GABRB2: variants seen among roughly 807,000 people sequenced by gnomAD.
The protein encoded by GABRB2 is gamma-aminobutyric acid receptor subunit beta-2.
Under a neutral mutation model 54.7 loss-of-function variants are expected in GABRB2, and 16 were observed. The observed-to-expected ratio is 0.29, with a 90% CI of 0.20 to 0.44. The LOEUF is 0.44. GABRB2 is among the 20% of genes least tolerant of loss of function. The probability of loss-of-function intolerance (pLI) is 1.00; values close to 1 mark genes in which losing one functional copy is unlikely to be tolerated. For synonymous variants in GABRB2, 244 were observed against 233.8 expected (o/e 1.04, Z -0.40); for missense variants, 355 against 644.0 (o/e 0.55, Z 4.86).
At chr5:161,333,394 G>T (rs924386051) in intron 7 of GABRB2, among the ~76,000 whole-genome samples, 4 of 152,144 alleles carry the variant, frequency 2.6e-5, no homozygotes, top group Non-Finnish European at 5.9e-5. Context: ...CTACACACAG[G>T]GGAGGTCTAT....
At chr5:161,509,139 G>A (rs1020360273) in intron 3 of GABRB2, among the ~76,000 whole-genome samples, 7 of 151,728 alleles carry the variant, frequency 4.6e-5, no homozygotes, top group Admixed American at 6.6e-5. Flanking sequence ...CATAAAACAC[G>A]GCATGGAAAA....
chr5:161,523,725 A>C (rs1412151349), intron 3 of GABRB2, among the ~76,000 whole-genome samples: 1 of 151,594 alleles, frequency 6.6e-6, no homozygotes, highest in Non-Finnish European at 1.5e-5. Context: ...ACCAACAAAT[A>C]AGAACTACAC....
chr5:161,422,464 A>G (rs1051494249), intron 4 of GABRB2, among the ~76,000 whole-genome samples: 2 of 152,174 alleles, frequency 1.3e-5, no homozygotes, highest in Non-Finnish European at 2.9e-5. Flanking sequence ...AGTTTTATTA[A>G]TAAGTGAAAG....
chr5:161,351,456 T>G (rs766925858), intron 5 of GABRB2, among the ~76,000 whole-genome samples: 14 of 152,016 alleles, frequency 9.2e-5, no homozygotes, highest in Non-Finnish European at 1.6e-4. Flanking sequence ...GGAAGGACAA[T>G]CTCTTCAATA....
At chr5:161,342,219 A>G (rs1754190536) in intron 5 of GABRB2, among the ~76,000 whole-genome samples, 1 of 151,788 alleles carries the variant, frequency 6.6e-6, no homozygotes, top group African/African-American at 2.4e-5. Context: ...TCTTTTAAGA[A>G]CCATCTCAAA....
chr5:161,456,036 C>T (rs1380530855), intron 4 of GABRB2, among the ~76,000 whole-genome samples: 1 of 152,154 alleles, frequency 6.6e-6, no homozygotes, highest in African/African-American at 2.4e-5. Flanking sequence ...CTTTAACCTA[C>T]CCCACCAATC....
At chr5:161,500,814 A>C (rs983362279) in intron 3 of GABRB2, among the ~76,000 whole-genome samples, 1 of 152,126 alleles carries the variant, frequency 6.6e-6, no homozygotes, top group South Asian at 2.1e-4. Flanking sequence ...TGTTAACTTA[A>C]TCAAATGTTT....
At chr5:161,507,081 C>G (rs1198354983) in intron 3 of GABRB2, among the ~76,000 whole-genome samples, 1 of 151,720 alleles carries the variant, frequency 6.6e-6, no homozygotes, top group African/African-American at 2.4e-5. Flanking sequence ...ATCAAAATGC[C>G]CAAATTAAAG....
chr5:161,394,277 G>A (rs984564538), intron 5 of GABRB2, among the ~76,000 whole-genome samples: 2 of 151,738 alleles, frequency 1.3e-5, no homozygotes, highest in East Asian at 1.9e-4. Flanking sequence ...ATTTCAAATC[G>A]GTGGCTCAAA....
intron 3 of GABRB2, among the ~76,000 whole-genome samples, chr5:161,522,088 T>C (rs772757595): frequency 3.3e-5 from 5 of 151,824 alleles, no homozygotes; most frequent in Non-Finnish European, 3.0e-5. Context: ...TGCAATCCTA[T>C]GCTATTTTCA....
At chr5:161,300,802 GTC>G (rs1226469923) in intron 9 of GABRB2, among the ~76,000 whole-genome samples, 3 of 152,182 alleles carry the variant, frequency 2.0e-5, no homozygotes, top group Non-Finnish European at 4.4e-5. Flanking sequence ...AAAACTGCTA[GTC>G]TATTGGACAG....
At chr5:161,300,532 T>C (rs1392537290) in intron 9 of GABRB2, among the ~76,000 whole-genome samples, 1 of 152,166 alleles carries the variant, frequency 6.6e-6, no homozygotes, top group South Asian at 2.1e-4. Context: ...CTTAATCCAG[T>C]AATATTCCAT....
At chr5:161,497,403 G>A (rs1453508556) in intron 3 of GABRB2, among the ~76,000 whole-genome samples, 1 of 152,064 alleles carries the variant, frequency 6.6e-6, no homozygotes, top group Non-Finnish European at 1.5e-5. Context: ...CATGAGGATT[G>A]CTAAAGTGTT....
chr5:161,405,042 GC>G (rs779066543), intron 5 of GABRB2, among the ~76,000 whole-genome samples: 24 of 152,124 alleles, frequency 1.6e-4, no homozygotes, highest in Non-Finnish European at 3.2e-4. Context: ...GCCAAAAATT[GC>G]CTTTTGGCAT....
chr5:161,420,206 C>A (rs954082249), intron 4 of GABRB2, among the ~76,000 whole-genome samples: 12 of 152,096 alleles, frequency 7.9e-5, no homozygotes, highest in African/African-American at 2.7e-4. Flanking sequence ...AGTTTTATCC[C>A]AGTCTTTTAA....
intron 5 of GABRB2, among the ~76,000 whole-genome samples, chr5:161,400,374 G>A (rs944383578): frequency 7.2e-5 from 11 of 152,148 alleles, no homozygotes; most frequent in Non-Finnish European, 1.6e-4. Flanking sequence ...CAGGATGACG[G>A]CATTGCTGGT....
chr5:161,393,299 T>TAAAAAAAAAAAAAAA (rs533308700), intron 5 of GABRB2, among the ~76,000 whole-genome samples: 1 of 40,326 alleles, frequency 2.5e-5, no homozygotes, highest in Non-Finnish European at 4.6e-5. Context: ...TTTAAAAATG[T>TAAAAAAAAAAAAAAA]AAAAAAAAAA....
intron 5 of GABRB2, among the ~76,000 whole-genome samples, chr5:161,347,459 C>T (rs1754350541): frequency 6.6e-6 from 1 of 152,104 alleles, no homozygotes. Context: ...CAGCTCCCCG[C>T]ATGCAGAGGT....
chr5:161,364,911 T>A (rs1754931058), intron 5 of GABRB2, among the ~76,000 whole-genome samples: 2 of 152,300 alleles, frequency 1.3e-5, no homozygotes, highest in Admixed American at 6.5e-5. Context: ...AATACTTTAA[T>A]TAAGAAATTT....
Sources: gnomAD v4.1 joint callset for allele counts (sites outside exome capture counted in the v4.1 genomes callset) on GRCh38, gnomAD v4.1.1 for gene constraint, MANE v1.5 for transcripts, NCBI Gene and HGNC (gene_info 2026-07-23, HGNC 2026-07-21) for gene names.